CEP63: variants seen among roughly 807,000 people sequenced by gnomAD.
The protein encoded by CEP63 is centrosomal protein of 63 kDa.
Under a neutral mutation model 89.1 loss-of-function variants are expected in CEP63, and 84 were observed. The ratio of observed to expected loss-of-function variants is 0.94; its 90% confidence interval spans 0.79 to 1.13. The LOEUF (loss-of-function observed/expected upper bound fraction) is 1.13, where lower values mean the gene tolerates loss of function less well. Ranked by LOEUF, CEP63 falls within the 50% of genes most tolerant of loss-of-function variation. The pLI is 0.00. For missense variants in CEP63, 838 were observed against 813.3 expected (o/e 1.03, Z -0.37); for synonymous variants, 267 against 272.5 (o/e 0.98, Z 0.20).
the CEP63 span, among the ~76,000 whole-genome samples, chr3:134,677,245 A>C: frequency 6.6e-6 from 1 of 152,110 alleles, no homozygotes; most frequent in Non-Finnish European, 1.5e-5. Flanking sequence ...GGCAACAGAG[A>C]GAGACTCCAT....
downstream of CEP63, among the ~76,000 whole-genome samples, chr3:134,567,144 G>A (rs1281935509): frequency 2.7e-3 from 273 of 101,076 alleles, 4 homozygotes; most frequent in Non-Finnish European, 7.1e-4. Flanking sequence ...TTGAAAACAG[G>A]AAGAAAGCAA....
chr3:134,532,728 ACTT>A (rs769413323), intron 4 of CEP63, 47 bp from the exon 5 acceptor site: 11 of 1,487,642 alleles, frequency 7.4e-6, no homozygotes, highest in South Asian at 6.9e-5. Flanking sequence ...TCTCACCACT[ACTT>A]CTTACAAATT....
the CEP63 span, among the ~76,000 whole-genome samples, chr3:134,746,583 G>A: frequency 6.6e-6 from 1 of 152,196 alleles, no homozygotes; most frequent in Non-Finnish European, 1.5e-5. Context: ...TCTAGCATCT[G>A]TTGTTTCCTG....
chr3:134,684,406 G>C, the CEP63 span, among the ~76,000 whole-genome samples: 1,563 of 152,266 alleles, frequency 0.01, 24 homozygotes, highest in African/African-American at 0.036. Flanking sequence ...TTAAGCACAG[G>C]CTCCTTCCTT....
the CEP63 span, among the ~76,000 whole-genome samples, chr3:134,595,268 C>T: frequency 1.3e-5 from 2 of 152,234 alleles, no homozygotes; most frequent in South Asian, 4.1e-4. Context: ...TTGCTCAGCA[C>T]TTTTCCTTGC....
At chr3:134,635,129 A>T in the CEP63 span, among the ~76,000 whole-genome samples, 5 of 152,314 alleles carry the variant, frequency 3.3e-5, no homozygotes, top group South Asian at 1.0e-3. Flanking sequence ...ATTCATAATC[A>T]CCCTGAACTG....
chr3:134,708,485 C>T, the CEP63 span, among the ~76,000 whole-genome samples: 1 of 152,188 alleles, frequency 6.6e-6, no homozygotes, highest in South Asian at 2.1e-4. Context: ...TGGAGTGGCC[C>T]TCATATTTCC....
Position 134,580,427 on chromosome 3 carries a change from A to G in CEP63, c.1207-7031A>G, listed in dbSNP as rs145821331. On this transcript the variant is annotated intron_variant, in intron 10 of 10. Coordinates refer to the CEP63 transcript ENST00000683931. ...TAAAATGTGCACTTATACAGAGTGA[A>G]TTTTATGATCTAAAATTTACATCCC... 7.3e-5 allele frequency among the ~76,000 whole-genome samples: 11 copies of G among 151,250 alleles called. No homozygotes were observed. In the East Asian group the frequency reaches 2.1e-3, roughly 29 times the overall value.
the CEP63 span, among the ~76,000 whole-genome samples, chr3:134,738,253 C>CACACAT: frequency 3.2e-5 from 1 of 30,920 alleles, no homozygotes; most frequent in Non-Finnish European, 1.6e-4. Context: ...CCATCATACA[C>CACACAT]ACACACACAC....
chr3:134,506,075 G>A (rs1191592373), intron 2 of CEP63, among the ~76,000 whole-genome samples: 1 of 152,154 alleles, frequency 6.6e-6, no homozygotes, highest in Admixed American at 6.5e-5. Flanking sequence ...AGAAGCAAAA[G>A]TACAAAGGTT....
chr3:134,644,350 A>G, the CEP63 span, among the ~76,000 whole-genome samples: 15 of 152,354 alleles, frequency 9.8e-5, no homozygotes, highest in East Asian at 2.9e-3. Context: ...AGTTCCTGCC[A>G]TAGGCCAAGA....
At chr3:134,615,191 T>G in the CEP63 span, 1 of 152,416 alleles carries the variant, frequency 6.6e-6, no homozygotes, top group Non-Finnish European at 1.5e-5. Context: ...CAGGGCCCCA[T>G]GCAGAACCTC....
chr3:134,703,631 A>G, the CEP63 span, among the ~76,000 whole-genome samples: 3 of 152,130 alleles, frequency 2.0e-5, no homozygotes, highest in Middle Eastern at 3.4e-3. Flanking sequence ...CTGTTAAAAG[A>G]TCAGGGGTGG....
chr3:134,486,012 T>A, upstream of CEP63: 24 of 683,386 alleles, frequency 3.5e-5, no homozygotes, highest in Non-Finnish European at 4.1e-5. Flanking sequence ...CTCCCCCGCA[T>A]CACGTGTCTG....
At chr3:134,580,194 CA>C (rs58009929) in intron 10 of CEP63, among the ~76,000 whole-genome samples, 54,032 of 111,916 alleles carry the variant, frequency 0.48, 10,350 homozygotes, top group East Asian at 0.63. Flanking sequence ...GACTCCACCT[CA>C]AAAAAAAAAA....
the CEP63 span, among the ~76,000 whole-genome samples, chr3:134,635,229 G>A: frequency 1.3e-5 from 2 of 152,192 alleles, no homozygotes; most frequent in African/African-American, 4.8e-5. Context: ...GGGCATGATG[G>A]CTCATGCCTG....
chr3:134,729,483 C>T, the CEP63 span, among the ~76,000 whole-genome samples: 1 of 152,130 alleles, frequency 6.6e-6, no homozygotes, highest in African/African-American at 2.4e-5. Flanking sequence ...TGTAATCTGG[C>T]TTATTAGTCC....
At chr3:134,609,289 G>A in the CEP63 span, among the ~76,000 whole-genome samples, 2 of 152,204 alleles carry the variant, frequency 1.3e-5, no homozygotes, top group Non-Finnish European at 2.9e-5. Context: ...AGGGCCGACT[G>A]GAGTGCTGCC....
chr3:134,683,871 G>T, the CEP63 span, among the ~76,000 whole-genome samples: 2 of 151,930 alleles, frequency 1.3e-5, no homozygotes, highest in East Asian at 1.9e-4. Context: ...ACTGGGTTGG[G>T]GTCACCTGCC....
Sources: allele counts gnomAD v4.1 joint callset (sites outside exome capture counted in the v4.1 genomes callset), GRCh38; gene constraint gnomAD v4.1.1; transcripts MANE v1.5; gene names NCBI Gene and HGNC (gene_info 2026-07-23, HGNC 2026-07-21).